The following INTS4 variants were observed in gnomAD, a reference collection of about 807,000 sequenced individuals.
The protein encoded by INTS4 is integrator complex subunit 4.
A neutral mutation model predicts 119.5 loss-of-function variants in INTS4; 70 were observed. The observed-to-expected ratio is 0.59, with a 90% confidence interval of 0.48 to 0.71. The LOEUF is 0.71. INTS4 is among the 30% of genes least tolerant of loss of function. INTS4 has a pLI of 0.00. For missense variants in INTS4, 867 were observed against 1,173.2 expected (o/e 0.74, Z 3.81); for synonymous variants, 316 against 419.6 (o/e 0.75, Z 3.02).
At position 77,879,125 on chromosome 11, in the gene INTS4, C is replaced by A; in HGVS notation, c.2716G>T (p.Ala906Ser). 1 of 1,612,952 alleles carries A rather than the reference C, an allele frequency of 6.2e-7. No homozygotes were observed. The change falls in exon 23 of 23, where the codon GCA (alanine) becomes TCA (serine). Residue 906 changes from alanine (A) to serine (S), a missense_variant and splice_region_variant. Ala to Ser is a moderately conservative substitution (Grantham distance 99). Transcript: ENST00000534064. ...VYLSHTAWTE[A>S]CQVEVRLLLA... ...AGCAGCCTCACTTCCACCTGGCATG[C>A]CTCTGAAAAAAAGATAAAAGAAATC...
At chr11:77,886,026 C>A (rs1464028250) in intron 21 of INTS4, among the ~76,000 whole-genome samples, 1 of 151,466 alleles carries the variant, frequency 6.6e-6, no homozygotes, top group African/African-American at 2.4e-5. Context: ...AAAAGTAAGA[C>A]CCCCCAATCT....
chr11:77,973,563 T>TA (rs990705939), intron 4 of INTS4, among the ~76,000 whole-genome samples: 37 of 152,258 alleles, frequency 2.4e-4, no homozygotes, highest in African/African-American at 8.7e-4. Context: ...GTTTTTTTTT[T>TA]AGATTCCATT....
At chr11:77,925,436 C>T (rs182580704) in intron 11 of INTS4, among the ~76,000 whole-genome samples, 5 of 152,018 alleles carry the variant, frequency 3.3e-5, no homozygotes, top group Non-Finnish European at 7.4e-5. Flanking sequence ...AAAATGGCAC[C>T]GATAGACTTG....
At chr11:77,882,246 T>C (rs567786729) in intron 22 of INTS4, among the ~76,000 whole-genome samples, 56 of 152,234 alleles carry the variant, frequency 3.7e-4, no homozygotes, top group African/African-American at 1.3e-3. Flanking sequence ...AGGCTCAGGA[T>C]CGCCTGGCAA....
intron 18 of INTS4, among the ~76,000 whole-genome samples, chr11:77,896,878 G>C (rs933007581): frequency 4.7e-5 from 7 of 150,310 alleles, no homozygotes; most frequent in African/African-American, 1.7e-4. Flanking sequence ...CAAGAATATT[G>C]AAAGAAAACA....
chr11:77,912,472 C>T (rs1953112150), intron 15 of INTS4, among the ~76,000 whole-genome samples: 1 of 152,042 alleles, frequency 6.6e-6, no homozygotes, highest in Non-Finnish European at 1.5e-5. Context: ...CTATATGATG[C>T]CACTATGCCA....
chr11:77,919,031 AAC>A, intron 14 of INTS4, 53 bp from the exon 15 acceptor site: 28 of 1,587,428 alleles, frequency 1.8e-5, no homozygotes, highest in Non-Finnish European at 2.2e-5. Context: ...AGCTTTTGGT[AAC>A]ACACACACAA....
chr11:77,876,954 C>T (rs1951612836), downstream of INTS4: 2 of 703,138 alleles, frequency 2.8e-6, no homozygotes, highest in Non-Finnish European at 5.2e-6. Flanking sequence ...GTCTAGGCTC[C>T]AACCCAGCAG....
At chr11:77,950,489 T>C (rs1954164285) in intron 8 of INTS4, among the ~76,000 whole-genome samples, 1 of 151,662 alleles carries the variant, frequency 6.6e-6, no homozygotes, top group Non-Finnish European at 1.5e-5. Context: ...TGAAGAGAAA[T>C]AAATTCTGGT....
chr11:77,915,299 G>A (rs1953180272), intron 15 of INTS4: 1 of 152,218 alleles, frequency 6.6e-6, no homozygotes, highest in Admixed American at 6.5e-5. Flanking sequence ...ATCCCTGCTT[G>A]GGTCCCAGAG....
intron 11 of INTS4, among the ~76,000 whole-genome samples, chr11:77,926,019 T>C (rs183359592): frequency 6.6e-6 from 1 of 152,348 alleles, no homozygotes. Flanking sequence ...AAAACATTTA[T>C]CACCATCTGA....
At chr11:77,950,198 C>G (rs1242587295) in intron 8 of INTS4, among the ~76,000 whole-genome samples, 1 of 151,826 alleles carries the variant, frequency 6.6e-6, no homozygotes, top group Non-Finnish European at 1.5e-5. Flanking sequence ...AGGGAAACAT[C>G]ACACACCAGG....
Position 77,907,551 on chromosome 11 carries a change from C to T in INTS4, c.2016+166G>A, listed in dbSNP as rs566760441. On this transcript the variant is annotated intron_variant, in intron 16 of 22. Transcript: ENST00000534064. The stretch of plus-strand genomic sequence containing the variant: ...TACAAATTCCTATGAGTTAATATTT[C>T]GTTAATTAGAGACAAATGTAATCAC... Among the ~76,000 whole-genome samples the T allele has an allele frequency of 4.6e-5, 7 of 152,254 alleles. No individual in the cohort carries two copies. In the South Asian group the frequency reaches 8.3e-4, roughly 18 times the overall value.
chr11:77,884,201 G>A (rs1324152255), intron 21 of INTS4, among the ~76,000 whole-genome samples: 5 of 152,006 alleles, frequency 3.3e-5, no homozygotes, highest in Admixed American at 6.6e-5. Context: ...TCTATTAAGC[G>A]CAAAGACAGG....
At chr11:77,951,060 T>G (rs1325424639) in intron 8 of INTS4, among the ~76,000 whole-genome samples, 1 of 152,148 alleles carries the variant, frequency 6.6e-6, no homozygotes, top group Non-Finnish European at 1.5e-5. Flanking sequence ...AACTCATCAT[T>G]TTTTATGGCT....
chr11:77,923,856 C>T (rs1953427715), intron 12 of INTS4, among the ~76,000 whole-genome samples: 2 of 150,710 alleles, frequency 1.3e-5, no homozygotes, highest in African/African-American at 4.9e-5. Context: ...CCTCTGCTTC[C>T]AGGGTTCAAG....
At chr11:77,937,043 C>T (rs1442941593) in intron 10 of INTS4, among the ~76,000 whole-genome samples, 19 of 151,926 alleles carry the variant, frequency 1.3e-4, no homozygotes, top group South Asian at 4.2e-4. Flanking sequence ...AGAGTGGTCG[C>T]GGGCACCTGC....
At chr11:77,884,686 A>T in intron 21 of INTS4, 1 of 223,374 alleles carries the variant, frequency 4.5e-6, no homozygotes, top group Non-Finnish European at 9.9e-6. Flanking sequence ...GGCATGTCTC[A>T]CCCACTTGCC....
At chr11:77,976,592 T>C (rs1309744944) in intron 4 of INTS4, among the ~76,000 whole-genome samples, 2 of 152,158 alleles carry the variant, frequency 1.3e-5, no homozygotes, top group African/African-American at 4.8e-5. Context: ...ACCCAAAGGA[T>C]TATAAATCAT....
Sources: gnomAD v4.1 joint callset for allele counts (sites outside exome capture counted in the v4.1 genomes callset) on GRCh38, gnomAD v4.1.1 for gene constraint, MANE v1.5 for transcripts, NCBI Gene and HGNC (gene_info 2026-07-23, HGNC 2026-07-21) for gene names.